The following UBQLN1 variants were observed in gnomAD, a reference collection of about 807,000 sequenced individuals.
The protein encoded by UBQLN1 is ubiquilin-1.
A neutral mutation model predicts 65.4 loss-of-function variants in UBQLN1; 13 were observed. The ratio of observed to expected loss-of-function variants is 0.20; its 90% CI spans 0.13 to 0.32. The LOEUF (loss-of-function observed/expected upper bound fraction) is 0.32. UBQLN1 is among the 10% of genes least tolerant of loss of function. The pLI is 1.00. For synonymous variants in UBQLN1, 267 were observed against 247.8 expected (o/e 1.08, Z -0.73); for missense variants, 561 against 724.0 (o/e 0.77, Z 2.58).
intron 6 of UBQLN1, among the ~76,000 whole-genome samples, chr9:83,676,376 T>C (rs1229293836): frequency 6.6e-6 from 1 of 152,210 alleles, no homozygotes; most frequent in Non-Finnish European, 1.5e-5. Flanking sequence ...AAGTTATTAC[T>C]GTAGACAATC....
chr9:83,663,500 G>A (rs1831595649), intron 10 of UBQLN1, among the ~76,000 whole-genome samples: 1 of 152,150 alleles, frequency 6.6e-6, no homozygotes, highest in African/African-American at 2.4e-5. Flanking sequence ...GAATACAGCT[G>A]CCCTGGAGGT....
intron 10 of UBQLN1, among the ~76,000 whole-genome samples, chr9:83,663,313 G>A (rs1831591571): frequency 6.6e-6 from 1 of 152,096 alleles, no homozygotes; most frequent in Admixed American, 6.5e-5. Context: ...TTTATATAAT[G>A]GCACATTATT....
At chr9:83,668,823 A>C (rs1831684455) in intron 7 of UBQLN1, 2 of 228,782 alleles carry the variant, frequency 8.7e-6, no homozygotes, top group South Asian at 2.9e-4. Flanking sequence ...AAAGTATTTC[A>C]AATGTATTAA....
chr9:83,685,345 C>T (rs1401887970), intron 2 of UBQLN1, among the ~76,000 whole-genome samples: 1 of 152,178 alleles, frequency 6.6e-6, no homozygotes. Flanking sequence ...ACACTGACAA[C>T]TAAGTCTTCG....
intron 1 of UBQLN1, among the ~76,000 whole-genome samples, chr9:83,687,331 G>A (rs1338361357): frequency 1.3e-5 from 2 of 152,216 alleles, no homozygotes; most frequent in Non-Finnish European, 2.9e-5. Flanking sequence ...ACTATTCTCA[G>A]ATCTTTACCA....
intron 1 of UBQLN1, among the ~76,000 whole-genome samples, chr9:83,694,340 T>C (rs191612873): frequency 6.6e-6 from 1 of 151,478 alleles, no homozygotes; most frequent in Admixed American, 6.6e-5. Context: ...AAGAGTCTAT[T>C]TTTGAATTAG....
intron 6 of UBQLN1, among the ~76,000 whole-genome samples, chr9:83,672,994 C>T (rs1013793766): frequency 1.3e-5 from 2 of 152,122 alleles, no homozygotes; most frequent in African/African-American, 4.8e-5. Context: ...CACTTTGGGA[C>T]GCTGAGGCGG....
chr9:83,680,357 C>G (rs1345400372), intron 3 of UBQLN1, among the ~76,000 whole-genome samples: 1 of 151,942 alleles, frequency 6.6e-6, no homozygotes, highest in Non-Finnish European at 1.5e-5. Context: ...ACAGGAGTAT[C>G]TTTTATTATT....
chr9:83,678,404 C>T lies in UBQLN1; in HGVS notation c.870+37G>A, dbSNP rs1182771103. On this transcript the variant is annotated intron_variant, in intron 5 of 10. Coordinates refer to ENST00000376395, the MANE Select transcript of UBQLN1 (RefSeq NM_013438.5). ...ACACATATTTGTGTTAAAACAGAAG[C>T]TACTCCTTGGCCTGAACCTTGGAGC... The T allele has an allele frequency of 6.3e-6, 10 of 1,577,326 alleles. 1 individual carries two copies. The highest frequency in any genetic ancestry group is 3.6e-5 in the South Asian group (3 of 84,464).
intron 7 of UBQLN1, chr9:83,668,549 C>T: frequency 1.0e-6 from 1 of 985,436 alleles, no homozygotes; most frequent in Non-Finnish European, 1.2e-6. Flanking sequence ...AGGCCCCAAC[C>T]ATCGGTACTG....
chr9:83,697,733 CTTTT>C (rs35319221), intron 1 of UBQLN1, among the ~76,000 whole-genome samples: 2 of 98,350 alleles, frequency 2.0e-5, no homozygotes, highest in African/African-American at 4.2e-5. Context: ...TTTTTGTACC[CTTTT>C]TTTTTTTTTT....
At chr9:83,692,188 C>T (rs971529292) in intron 1 of UBQLN1, among the ~76,000 whole-genome samples, 3 of 152,162 alleles carry the variant, frequency 2.0e-5, no homozygotes, top group East Asian at 1.9e-4. Context: ...TCCGAATAAA[C>T]CATATTTTAG....
intron 10 of UBQLN1, 49 bp downstream of exon 10, chr9:83,663,826 A>T: frequency 6.4e-7 from 1 of 1,564,066 alleles, no homozygotes; most frequent in Non-Finnish European, 8.6e-7. Context: ...GAAATTTCTA[A>T]ATTTCCAACA....
Position 83,698,685 on chromosome 9 carries a change from G to C in UBQLN1, c.180+8815C>G, listed in dbSNP as rs551699093. ...ATCCTAGCATTTTGGGAGACCAAGG[G>C]GGCAGATCGCTTGAGCTCAGGAGTT... On this transcript the variant is annotated intron_variant, in intron 1 of 10. Coordinates refer to ENST00000376395, the MANE Select transcript of UBQLN1 (RefSeq NM_013438.5). Among the ~76,000 whole-genome samples the C allele has an allele frequency of 2.8e-4, 43 of 152,214 alleles. 1 individual carries two copies. In the East Asian group the frequency reaches 7.1e-3, roughly 25 times the overall value.
chr9:83,695,440 T>C (rs1271195272), intron 1 of UBQLN1, among the ~76,000 whole-genome samples: 2 of 152,186 alleles, frequency 1.3e-5, no homozygotes, highest in African/African-American at 4.8e-5. Flanking sequence ...CCTTGTGATC[T>C]GCCCACCTCA....
chr9:83,678,620 A>T, intron 4 of UBQLN1, 21 bp from the exon 5 acceptor site: 1 of 1,584,468 alleles, frequency 6.3e-7, no homozygotes, highest in Middle Eastern at 1.7e-4. Flanking sequence ...TATTTCCAAA[A>T]AAAGAAAAAA....
In UBQLN1 at chr9:83,707,674, G is replaced by C; in HGVS notation, c.6C>G (p.Ala2=). The C allele has an allele frequency of 6.5e-7, 1 of 1,543,686 alleles. No individual in the cohort carries two copies. The highest frequency in any genetic ancestry group is 2.4e-5 in the East Asian group (1 of 40,832). Residue 2 remains alanine, a synonymous_variant, in exon 1 of 11, where the codon GCC becomes GCG. Transcript: ENST00000376395. M[A]ESGESGGPPG... ...GAGGACCGCCGCTTTCACCACTCTC[G>C]GCCATGGCTGTGGCGGCGGCGGCGG... is the stretch of plus-strand genomic sequence containing the variant.
intron 6 of UBQLN1, among the ~76,000 whole-genome samples, chr9:83,670,943 G>C (rs899443117): frequency 3.9e-5 from 6 of 152,164 alleles, no homozygotes; most frequent in Admixed American, 2.0e-4. Flanking sequence ...AACGCAGTCA[G>C]TGTTCATGCT....
At chr9:83,682,015 TTTGGCTATCTATTATC>T (rs1200612638) in intron 3 of UBQLN1, among the ~76,000 whole-genome samples, 2 of 152,108 alleles carry the variant, frequency 1.3e-5, no homozygotes, top group Admixed American at 1.3e-4. Flanking sequence ...AGCCACTGAG[TTTGGCTATCTATTATC>T]AAAAGAAAAT....
Sources: allele counts gnomAD v4.1 joint callset (sites outside exome capture counted in the v4.1 genomes callset), GRCh38; gene constraint gnomAD v4.1.1; transcripts MANE v1.5; gene names NCBI Gene and HGNC (gene_info 2026-07-23, HGNC 2026-07-21).